MYBPC1: variants seen among roughly 807,000 people sequenced by gnomAD.
The protein encoded by MYBPC1 is myosin binding protein C1.
MYBPC1 carries 52 observed loss-of-function variants against 147.1 expected under a neutral mutation model. The ratio of observed to expected loss-of-function variants is 0.35; its 90% confidence interval spans 0.28 to 0.45. The LOEUF (loss-of-function observed/expected upper bound fraction) is 0.45. MYBPC1 is among the 20% of genes least tolerant of loss of function. The probability of loss-of-function intolerance (pLI) is 1.00; values close to 1 mark genes in which losing one functional copy is unlikely to be tolerated. For missense variants in MYBPC1, 1,228 were observed against 1,440.3 expected (o/e 0.85, Z 2.39); for synonymous variants, 477 against 475.9 (o/e 1.00, Z -0.03).
intron 10 of MYBPC1, among the ~76,000 whole-genome samples, chr12:101,640,394 C>T (rs11110903): frequency 0.25 from 38,249 of 152,062 alleles, 5,127 homozygotes; most frequent in Middle Eastern, 0.34. Context: ...TTACTGTTTC[C>T]AGGAAGTAGA....
chr12:101,689,941 G>A (rs745341235), downstream of MYBPC1, among the ~76,000 whole-genome samples: 1 of 152,190 alleles, frequency 6.6e-6, no homozygotes, highest in South Asian at 2.1e-4. Flanking sequence ...TTGGGAGGCC[G>A]AGGCAGGTGG....
At chr12:101,662,955 C>T (rs1438394031) in intron 21 of MYBPC1, among the ~76,000 whole-genome samples, 1 of 152,082 alleles carries the variant, frequency 6.6e-6, no homozygotes, top group Non-Finnish European at 1.5e-5. Context: ...CACTTGGAAA[C>T]TGGTTTCTTT....
intron 1 of MYBPC1, among the ~76,000 whole-genome samples, chr12:101,595,872 A>G (rs554660796): frequency 1.3e-5 from 2 of 152,146 alleles, no homozygotes; most frequent in Admixed American, 6.6e-5. Context: ...AAAGCTACCA[A>G]TTGGTAACAG....
At chr12:101,616,335 A>G (rs1886057827) in intron 2 of MYBPC1, among the ~76,000 whole-genome samples, 2 of 152,194 alleles carry the variant, frequency 1.3e-5, no homozygotes, top group African/African-American at 4.8e-5. Flanking sequence ...GCCATTATAA[A>G]CAAACCTTTC....
At chr12:101,639,761 T>C (rs1891663631) in intron 10 of MYBPC1, among the ~76,000 whole-genome samples, 1 of 152,170 alleles carries the variant, frequency 6.6e-6, no homozygotes, top group African/African-American at 2.4e-5. Flanking sequence ...CTTGTGCCTC[T>C]TGTTAGCTAT....
chr12:101,687,228 C>A (rs1951362679), downstream of MYBPC1, among the ~76,000 whole-genome samples: 1 of 152,064 alleles, frequency 6.6e-6, no homozygotes, highest in Non-Finnish European at 1.5e-5. Flanking sequence ...CCCCGCTCCC[C>A]CCACCCCACA....
downstream of MYBPC1, among the ~76,000 whole-genome samples, chr12:101,689,354 A>G (rs1296474864): frequency 2.0e-5 from 3 of 152,210 alleles, no homozygotes; most frequent in East Asian, 1.9e-4. Flanking sequence ...GACTGCAGAG[A>G]TGCCTGTCAT....
intron 30 of MYBPC1, 29 bp from the exon 31 acceptor site, chr12:101,684,353 C>T (rs1214014506): frequency 6.6e-7 from 1 of 1,516,824 alleles, no homozygotes; most frequent in South Asian, 1.1e-5. Context: ...TACGACTTCT[C>T]TCTCTCTCCC....
Position 101,685,646 on chromosome 12 carries a change from G to A in MYBPC1, c.*84G>A. 6.5e-7 allele frequency: 1 copy of A among 1,533,718 alleles called. No homozygotes were observed. The highest frequency in any genetic ancestry group is 8.7e-7 in the Non-Finnish European group (1 of 1,144,944). On this transcript the variant is annotated 3_prime_UTR_variant, in exon 32 of 32. Transcript: ENST00000361466. ...CTCCAAACATAATTGATTCGTATCTGCGAGACTTACACTCAAGCAATCCTG... is the reference window on the plus strand; with the variant it reads ...CTCCAAACATAATTGATTCGTATCTACGAGACTTACACTCAAGCAATCCTG...
At chr12:101,601,422 T>C (rs1294877476) in intron 1 of MYBPC1, among the ~76,000 whole-genome samples, 8 of 152,230 alleles carry the variant, frequency 5.3e-5, no homozygotes, top group Admixed American at 3.9e-4. Context: ...ATTTATGGGC[T>C]TTAACGTACA....
intron 15 of MYBPC1, among the ~76,000 whole-genome samples, chr12:101,650,344 T>C (rs1157074229): frequency 6.6e-6 from 1 of 152,186 alleles, no homozygotes; most frequent in African/African-American, 2.4e-5. Context: ...AATAAAGACA[T>C]ACCCAAGACT....
intron 3 of MYBPC1, among the ~76,000 whole-genome samples, chr12:101,617,992 G>A (rs1886521941): frequency 6.6e-6 from 1 of 152,166 alleles, no homozygotes; most frequent in African/African-American, 2.4e-5. Context: ...CAGCTTTGCT[G>A]TATATGTTTG....
chr12:101,667,160 A>C (rs1897649877), intron 22 of MYBPC1, among the ~76,000 whole-genome samples: 1 of 152,228 alleles, frequency 6.6e-6, no homozygotes, highest in Non-Finnish European at 1.5e-5. Context: ...ACTCCTTATG[A>C]GGAATCAGCC....
At position 101,663,746 on chromosome 12, in the gene MYBPC1, A is replaced by G. The variant is rs891568846; in HGVS notation, c.2356+186A>G. Among the ~76,000 whole-genome samples, 4 of 152,240 alleles carry G rather than the reference A, an allele frequency of 2.6e-5. No homozygotes were observed. In the South Asian group the frequency reaches 6.2e-4, roughly 24 times the overall value. On this transcript the variant is annotated intron_variant, in intron 22 of 31. Transcript: ENST00000361466. ...TTTAGTACTTGGTGCTTATAAATTG[A>G]TATCTCAAAAGTATCTTGGCTAGGC...
intron 11 of MYBPC1, among the ~76,000 whole-genome samples, chr12:101,642,795 A>G (rs1320456404): frequency 6.6e-6 from 1 of 152,178 alleles, no homozygotes; most frequent in Non-Finnish European, 1.5e-5. Flanking sequence ...CGTAGAATGG[A>G]ATAGTACATT....
intron 9 of MYBPC1, among the ~76,000 whole-genome samples, chr12:101,635,370 T>C (rs1890781572): frequency 6.6e-6 from 1 of 152,176 alleles, no homozygotes; most frequent in Non-Finnish European, 1.5e-5. Context: ...ACAGTTTTGC[T>C]GAATAAGGAA....
chr12:101,629,611 G>T (rs964790568), intron 6 of MYBPC1, 67 bp downstream of exon 6: 3 of 1,125,142 alleles, frequency 2.7e-6, no homozygotes, highest in South Asian at 1.3e-5. Flanking sequence ...GGTGCCTCAC[G>T]CCTGTAATCC....
intron 1 of MYBPC1, among the ~76,000 whole-genome samples, chr12:101,598,266 T>G (rs1263439529): frequency 6.6e-6 from 1 of 152,154 alleles, no homozygotes; most frequent in Non-Finnish European, 1.5e-5. Flanking sequence ...GTGGTCCACC[T>G]GCCTCTGCCT....
chr12:101,642,681 G>C, intron 11 of MYBPC1, 96 bp downstream of exon 11: 2 of 1,416,720 alleles, frequency 1.4e-6, no homozygotes, highest in Non-Finnish European at 1.9e-6. Context: ...CCAGTCTCCC[G>C]CGGGGTTGGG....
Sources: gnomAD v4.1 joint callset for allele counts (sites outside exome capture counted in the v4.1 genomes callset) on GRCh38, gnomAD v4.1.1 for gene constraint, MANE v1.5 for transcripts, NCBI Gene and HGNC (gene_info 2026-07-23, HGNC 2026-07-21) for gene names.